Variants in CNTN5 observed in about 807,000 individuals in gnomAD.
CNTN5 encodes contactin 5.
A neutral mutation model predicts 129.1 loss-of-function variants in CNTN5; 77 were observed. The ratio of observed to expected loss-of-function variants is 0.60; its 90% CI spans 0.50 to 0.72. CNTN5 has a LOEUF of 0.72. CNTN5 is among the 30% of genes least tolerant of loss of function. CNTN5 has a pLI of 0.00. For synonymous variants in CNTN5, 509 were observed against 465.6 expected, an observed-to-expected ratio of 1.09 and a Z score of -1.20; for missense variants, 1,478 against 1,328.8, an observed-to-expected ratio of 1.11 and a Z score of -1.75.
intron 7 of CNTN5, among the ~76,000 whole-genome samples, chr11:99,934,192 G>A (rs1334971951): frequency 6.6e-6 from 1 of 152,158 alleles, no homozygotes; most frequent in Non-Finnish European, 1.5e-5. Flanking sequence ...TCTGTCTGAA[G>A]AAATCAAATA....
At chr11:99,574,773 T>C (rs886569735) in intron 3 of CNTN5, among the ~76,000 whole-genome samples, 1 of 152,104 alleles carries the variant, frequency 6.6e-6, no homozygotes, top group Non-Finnish European at 1.5e-5. Flanking sequence ...TTTTTTTTCC[T>C]GTAAACGTGT....
At chr11:99,620,695 G>C (rs2048513) in intron 3 of CNTN5, among the ~76,000 whole-genome samples, 68,313 of 151,236 alleles carry the variant, frequency 0.45, 15,834 homozygotes, top group Admixed American at 0.59. Context: ...TCAAACGATG[G>C]AAAGCTAGGC....
At chr11:99,330,252 G>C (rs2136023582) in intron 2 of CNTN5, among the ~76,000 whole-genome samples, 1 of 148,180 alleles carries the variant, frequency 6.7e-6, no homozygotes, top group East Asian at 2.0e-4. Flanking sequence ...AAGGAGGGAG[G>C]GAAGGAGAGA....
intron 1 of CNTN5, among the ~76,000 whole-genome samples, chr11:99,183,427 T>G (rs2135571335): frequency 6.6e-6 from 1 of 152,312 alleles, no homozygotes; most frequent in African/African-American, 2.4e-5. Context: ...TTGTTGCTGC[T>G]GAGTCAGATG....
rs1243643427 is a variant in CNTN5, at chr11:100,303,524, TAC to T, written c.2620+4130_2620+4131del. Among the ~76,000 whole-genome samples the T allele has an allele frequency of 2.0e-5, 3 of 151,190 alleles. No homozygotes were observed. The East Asian group carries it at 5.9e-4, about 30-fold the overall frequency. On this transcript the variant is annotated intron_variant, in intron 20 of 24. Transcript: ENST00000524871. Reference sequence around the variant, plus strand: ...AATAGAAAAACAGAAGAAAAATTGATACAGTTAATTATAGGTTGAAAGATTTA... The same window carrying T: ...AATAGAAAAACAGAAGAAAAATTGATAGTTAATTATAGGTTGAAAGATTTA...
chr11:99,953,361 T>C (rs1950721407), intron 7 of CNTN5, among the ~76,000 whole-genome samples: 1 of 152,186 alleles, frequency 6.6e-6, no homozygotes, highest in African/African-American at 2.4e-5. Context: ...TTTGAATCCC[T>C]AAAATCTGGA....
intron 7 of CNTN5, among the ~76,000 whole-genome samples, chr11:99,935,815 T>C (rs1012396875): frequency 6.6e-6 from 1 of 152,138 alleles, no homozygotes; most frequent in Non-Finnish European, 1.5e-5. Flanking sequence ...CTATTACCCT[T>C]TGCTCAAACC....
At chr11:99,026,518 T>C (rs1392064852) in intron 1 of CNTN5, among the ~76,000 whole-genome samples, 1 of 151,616 alleles carries the variant, frequency 6.6e-6, no homozygotes, top group Non-Finnish European at 1.5e-5. Flanking sequence ...TTCTAATGTG[T>C]GAGCTGGTGA....
At chr11:99,370,983 G>T (rs533668258) in intron 2 of CNTN5, among the ~76,000 whole-genome samples, 18 of 152,304 alleles carry the variant, frequency 1.2e-4, no homozygotes, top group Non-Finnish European at 2.5e-4. Flanking sequence ...TGTCAGAGAG[G>T]CAGGGCGCTG....
intron 8 of CNTN5, among the ~76,000 whole-genome samples, chr11:99,977,826 C>T (rs562956777): frequency 4.6e-5 from 7 of 152,292 alleles, no homozygotes; most frequent in Admixed American, 2.0e-4. Context: ...AGATCTCTTG[C>T]TCCCCATGAC....
chr11:100,217,068 C>T (rs563820385), intron 15 of CNTN5, among the ~76,000 whole-genome samples: 6 of 152,276 alleles, frequency 3.9e-5, no homozygotes, highest in Middle Eastern at 3.4e-3. Flanking sequence ...TCTTTCCACA[C>T]TAAAATCATT....
intron 2 of CNTN5, among the ~76,000 whole-genome samples, chr11:99,431,454 T>A (rs180724832): frequency 1.5e-3 from 225 of 152,174 alleles, no homozygotes; most frequent in African/African-American, 5.2e-3. Context: ...ATGAGTAAAA[T>A]TCTAGAAAAG....
At chr11:99,116,978 G>A (rs1565330128) in intron 1 of CNTN5, among the ~76,000 whole-genome samples, 3 of 152,140 alleles carry the variant, frequency 2.0e-5, no homozygotes, top group Non-Finnish European at 4.4e-5. Context: ...TCATAGAAAT[G>A]TGATATACTA....
At chr11:99,892,010 A>G (rs1335439888) in intron 6 of CNTN5, among the ~76,000 whole-genome samples, 1 of 152,108 alleles carries the variant, frequency 6.6e-6, no homozygotes, top group Non-Finnish European at 1.5e-5. Context: ...CTGACTTTTT[A>G]ATGATCGTCA....
intron 2 of CNTN5, among the ~76,000 whole-genome samples, chr11:99,491,497 G>A (rs1004456294): frequency 6.6e-6 from 1 of 152,108 alleles, no homozygotes; most frequent in Non-Finnish European, 1.5e-5. Context: ...TCCAGAGTAG[G>A]AGACACACAA....
intron 1 of CNTN5, among the ~76,000 whole-genome samples, chr11:99,170,092 G>A (rs10892842): frequency 0.43 from 65,403 of 151,714 alleles, 14,938 homozygotes; most frequent in East Asian, 0.81. Flanking sequence ...TATTTTATTT[G>A]TTTATTTTGC....
chr11:99,420,166 G>T (rs923591313), intron 2 of CNTN5, among the ~76,000 whole-genome samples: 1 of 152,056 alleles, frequency 6.6e-6, no homozygotes. Flanking sequence ...CCATTGACTG[G>T]TACGGTGGTT....
chr11:99,145,260 A>T (rs1433299851), intron 1 of CNTN5, among the ~76,000 whole-genome samples: 1 of 151,906 alleles, frequency 6.6e-6, no homozygotes, highest in African/African-American at 2.4e-5. Context: ...AATAGAGATC[A>T]GGTATCACTA....
chr11:100,306,017 C>G (rs1429267990), intron 20 of CNTN5, among the ~76,000 whole-genome samples: 1 of 149,598 alleles, frequency 6.7e-6, no homozygotes, highest in East Asian at 2.0e-4. Context: ...TTGGGGGGGG[C>G]ACATTCAAAG....
Sources: gnomAD v4.1 joint callset for allele counts (sites outside exome capture counted in the v4.1 genomes callset) on GRCh38, gnomAD v4.1.1 for gene constraint, MANE v1.5 for transcripts, NCBI Gene and HGNC (gene_info 2026-07-23, HGNC 2026-07-21) for gene names.